The following SERPINA12 variants were observed in gnomAD, a reference collection of about 807,000 sequenced individuals.
SERPINA12 encodes serpin A12.
SERPINA12 carries 21 observed loss-of-function variants against 25.9 expected under a neutral mutation model. The ratio of observed to expected loss-of-function variants is 0.81; its 90% CI spans 0.58 to 1.17. SERPINA12 has a LOEUF of 1.17. Among genes scored for constraint, SERPINA12 ranks in the 50% most tolerant of loss-of-function variants. The pLI, the probability that SERPINA12 is intolerant of heterozygous loss-of-function variation, is 0.00. For missense variants in SERPINA12, 562 were observed against 508.3 expected (o/e 1.11, Z -1.02); for synonymous variants, 220 against 196.0 (o/e 1.12, Z -1.02).
At chr14:94,512,366 A>G (rs1377288849), upstream of SERPINA12, among the ~76,000 whole-genome samples, 1 of 152,204 alleles carries the variant, frequency 6.6e-6, no homozygotes, top group Non-Finnish European at 1.5e-5. Flanking sequence ...GGGACTACTG[A>G]AGTACCTGCT....
upstream of SERPINA12, chr14:94,511,550 T>G: frequency 1.0e-6 from 1 of 985,444 alleles, no homozygotes; most frequent in Non-Finnish European, 1.2e-6. Context: ...CACTCTAGTA[T>G]TTGTCGGGTT....
At chr14:94,494,832 A>C (rs1328951912) in intron 3 of SERPINA12, among the ~76,000 whole-genome samples, 2 of 152,182 alleles carry the variant, frequency 1.3e-5, no homozygotes, top group Non-Finnish European at 2.9e-5. Flanking sequence ...ATGGCCACAC[A>C]CCATAGATGA....
chr14:94,490,598 A>C (rs2139845448), intron 3 of SERPINA12, among the ~76,000 whole-genome samples: 1 of 151,714 alleles, frequency 6.6e-6, no homozygotes, highest in East Asian at 1.9e-4. Flanking sequence ...TATCCTCAAA[A>C]ACTAACACCA....
Position 94,508,096 on chromosome 14 carries a change from C to A in SERPINA12, c.-34+1246G>T, listed in dbSNP as rs145617582. Among the ~76,000 whole-genome samples the A allele has an allele frequency of 4.3e-3, 653 of 152,308 alleles. 8 individuals carry two copies. The highest frequency in any genetic ancestry group is 0.015 in the African/African-American group (615 of 41,572). On this transcript the variant is annotated intron_variant, in intron 1 of 4. Coordinates refer to ENST00000677451, the MANE Select transcript of SERPINA12 (RefSeq NM_001382267.1). ...ACAGACAGCTATGGGAGCCAGTGAC[C>A]AAGAGTGTGAAACACTGCAAAGCCC...
At chr14:94,493,574 C>T (rs577667766) in intron 3 of SERPINA12, among the ~76,000 whole-genome samples, 13 of 152,290 alleles carry the variant, frequency 8.5e-5, no homozygotes, top group Admixed American at 3.3e-4. Flanking sequence ...CTTCACAAGA[C>T]GCCACTGAGA....
upstream of SERPINA12, among the ~76,000 whole-genome samples, chr14:94,510,664 T>G (rs549222525): frequency 1.3e-5 from 2 of 152,286 alleles, no homozygotes; most frequent in East Asian, 3.9e-4. Flanking sequence ...ACACACATGT[T>G]GCGTAATTTC....
Position 94,498,054 on chromosome 14 carries a change from C to T in SERPINA12, c.344G>A (p.Gly115Asp), listed in dbSNP as rs1347879940. 8.1e-6 allele frequency: 13 copies of T among 1,614,028 alleles called. No homozygotes were observed. In the Middle Eastern group the frequency reaches 4.9e-4, roughly 61 times the overall value. The change falls in exon 2 of 5, where the codon GGC (glycine) becomes GAC (aspartate). Residue 115 changes from glycine (G) to aspartate (D), a missense_variant. Physicochemically the swap from Gly to Asp is moderately conservative, Grantham distance 94. Coordinates refer to ENST00000677451, the MANE Select transcript of SERPINA12 (RefSeq NM_001382267.1). ...RKMPEKDLHE[G>D]FHYIIHELTQ... ...CAGCTCGTGGATGATGTAATGGAAG[C>T]CCTCATGAAGATCTTTTTCTGGCAT...
At chr14:94,487,550 G>A in intron 4 of SERPINA12, 56 bp from the exon 5 acceptor site, 1 of 1,482,366 alleles carries the variant, frequency 6.7e-7, no homozygotes, top group Non-Finnish European at 9.1e-7. Context: ...GACCACAGTG[G>A]GCCGGAGGCC....
Position 94,497,921 on chromosome 14 carries a change from A to G in SERPINA12, c.477T>C (p.Ser159=), listed in dbSNP as rs772326300. 1 of 1,614,204 alleles carries G rather than the reference A, an allele frequency of 6.2e-7. No individual in the cohort carries two copies. Among genetic ancestry groups the G allele is most frequent in the South Asian group, 1.1e-5 (1 of 91,092 alleles). ...GAAAGTTGGTAAGGATGGTTTCGGC[A>G]CTGTAAAAGTTCTTGGCATCTTCCA... ...KFLEDAKNFY[S]AETILTNFQN... The change falls in exon 2 of 5, where the codon AGT becomes AGC. Residue 159 remains serine (S), a synonymous_variant. Transcript: ENST00000677451.
intron 3 of SERPINA12, among the ~76,000 whole-genome samples, chr14:94,494,553 C>A (rs368733109): frequency 2.0e-5 from 3 of 152,312 alleles, no homozygotes; most frequent in African/African-American, 7.2e-5. Context: ...ATCTGCACAG[C>A]CTCACCCGCC....
At chr14:94,515,594 G>C (rs1010327789) in intron 2 of SERPINA12, among the ~76,000 whole-genome samples, 2 of 152,164 alleles carry the variant, frequency 1.3e-5, no homozygotes, top group East Asian at 3.9e-4. Flanking sequence ...AGCTGGGGAC[G>C]GCAGGGACAG....
At chr14:94,500,574 G>A (rs908948778) in intron 1 of SERPINA12, among the ~76,000 whole-genome samples, 3 of 152,182 alleles carry the variant, frequency 2.0e-5, no homozygotes, top group African/African-American at 4.8e-5. Context: ...GGGGTGCAAT[G>A]AGGGAGGATT....
chr14:94,500,919 T>C (rs1347306286), intron 1 of SERPINA12: 1 of 982,792 alleles, frequency 1.0e-6, no homozygotes, highest in Non-Finnish European at 1.2e-6. Flanking sequence ...AGGCAGGAGT[T>C]CTGTGCTCTG....
intron 1 of SERPINA12, among the ~76,000 whole-genome samples, chr14:94,500,577 G>A (rs1161189850): frequency 6.6e-6 from 1 of 152,158 alleles, no homozygotes; most frequent in Non-Finnish European, 1.5e-5. Flanking sequence ...GTGCAATGAG[G>A]GAGGATTTCA....
intron 1 of SERPINA12, among the ~76,000 whole-genome samples, chr14:94,506,855 A>T (rs1900945399): frequency 6.6e-6 from 1 of 152,234 alleles, no homozygotes. Context: ...AAAGCAAGTG[A>T]TTCCCACCTG....
intron 4 of SERPINA12, among the ~76,000 whole-genome samples, chr14:94,489,399 C>T (rs1447043981): frequency 6.6e-6 from 1 of 152,164 alleles, no homozygotes; most frequent in East Asian, 1.9e-4. Context: ...GAATTGATTT[C>T]CAAAATAGCA....
intron 3 of SERPINA12, among the ~76,000 whole-genome samples, chr14:94,493,503 G>A (rs1900263614): frequency 6.6e-6 from 1 of 152,128 alleles, no homozygotes; most frequent in African/African-American, 2.4e-5. Context: ...AGGCAGACCA[G>A]GCACTAGAAA....
chr14:94,499,699 G>T (rs1287686414), intron 1 of SERPINA12, among the ~76,000 whole-genome samples: 11 of 152,186 alleles, frequency 7.2e-5, no homozygotes, highest in Non-Finnish European at 1.3e-4. Flanking sequence ...TGGGGATTTA[G>T]GTGCATGTTA....
upstream of SERPINA12, chr14:94,510,297 C>G (rs1452745204): frequency 9.2e-6 from 9 of 983,258 alleles, no homozygotes; most frequent in Non-Finnish European, 1.1e-5. Flanking sequence ...CAAGCCAGAT[C>G]TAGATGCTGG....
Sources: allele counts gnomAD v4.1 joint callset (sites outside exome capture counted in the v4.1 genomes callset), GRCh38; gene constraint gnomAD v4.1.1; transcripts MANE v1.5; gene names NCBI Gene and HGNC (gene_info 2026-07-23, HGNC 2026-07-21).